RPS6KA2: variants seen among roughly 807,000 people sequenced by gnomAD.
RPS6KA2 encodes ribosomal protein S6 kinase alpha-2.
In RPS6KA2, 42 loss-of-function variants were observed where a neutral mutation model predicts 91.8. That is an observed-to-expected ratio of 0.46 (90% CI 0.36 to 0.59). RPS6KA2 has a LOEUF of 0.59. RPS6KA2 is among the 20% of genes least tolerant of loss of function. The pLI, the probability that RPS6KA2 is intolerant of heterozygous loss-of-function variation, is 0.00. For missense variants in RPS6KA2, 798 were observed against 978.5 expected (o/e 0.82, Z 2.46); for synonymous variants, 414 against 393.6 (o/e 1.05, Z -0.61).
chr6:166,722,497 C>T (rs1311481965), intron 2 of RPS6KA2, among the ~76,000 whole-genome samples: 1 of 152,324 alleles, frequency 6.6e-6, no homozygotes, highest in African/African-American at 2.4e-5. Flanking sequence ...GCCCACGCCA[C>T]GTGGAACCCA....
chr6:166,560,620 C>T (rs2128505354), intron 1 of RPS6KA2, among the ~76,000 whole-genome samples: 1 of 151,988 alleles, frequency 6.6e-6, no homozygotes, highest in East Asian at 1.9e-4. Flanking sequence ...CGGGAAATCA[C>T]AGCAGAAAAA....
At chr6:166,630,606 G>A (rs1445713032), upstream of RPS6KA2, among the ~76,000 whole-genome samples, 1 of 152,182 alleles carries the variant, frequency 6.6e-6, no homozygotes, top group Non-Finnish European at 1.5e-5. Context: ...ATCAGCATTC[G>A]AAGGCTCTGC....
chr6:166,762,879 A>ACT (rs1778214993), intron 2 of RPS6KA2, among the ~76,000 whole-genome samples: 1 of 152,016 alleles, frequency 6.6e-6, no homozygotes, highest in African/African-American at 2.4e-5. Context: ...TACATAGGTG[A>ACT]CTCTCCGTAG....
intron 2 of RPS6KA2, among the ~76,000 whole-genome samples, chr6:166,713,233 C>A (rs1789918370): frequency 6.6e-6 from 1 of 152,202 alleles, no homozygotes; most frequent in African/African-American, 2.4e-5. Flanking sequence ...GACCCACAGC[C>A]ACTTGGATCT....
intron 2 of RPS6KA2, among the ~76,000 whole-genome samples, chr6:166,711,784 AAGAG>A (rs71032874): frequency 4.7e-4 from 8 of 16,886 alleles, no homozygotes; most frequent in Non-Finnish European, 1.1e-3. Context: ...TGAAGAAAGA[AAGAG>A]AGAGAGAGAG....
chr6:166,530,588 G>T (rs1168647601), intron 3 of RPS6KA2, among the ~76,000 whole-genome samples: 3 of 152,226 alleles, frequency 2.0e-5, no homozygotes, highest in African/African-American at 7.2e-5. Context: ...ATCGCCTAAT[G>T]CTGTTTAGGG....
At position 166,718,132 on chromosome 6, in the gene RPS6KA2, A is replaced by T. The variant is rs141487226; in HGVS notation, c.123+140068T>A. On this transcript the variant is annotated intron_variant, in intron 2 of 21. Transcript: ENST00000503859. Reference sequence around the variant, plus strand: ...CAAAGTGCTGGGATTACAGGCGTGAACCACTGTGCCCGGCCCTATTTGTCA... The same window carrying T: ...CAAAGTGCTGGGATTACAGGCGTGATCCACTGTGCCCGGCCCTATTTGTCA... Among the ~76,000 whole-genome samples the T allele has an allele frequency of 3.7e-3, 560 of 152,240 alleles. 4 individuals carry two copies. The highest frequency in any genetic ancestry group is 0.013 in the African/African-American group (537 of 41,546).
chr6:166,685,988 G>A (rs1013765659), intron 2 of RPS6KA2, among the ~76,000 whole-genome samples: 3 of 152,202 alleles, frequency 2.0e-5, no homozygotes, highest in Non-Finnish European at 4.4e-5. Flanking sequence ...TGAGACGAAG[G>A]AGCTGTGAGG....
At chr6:166,502,035 T>G (rs1476098051) in intron 6 of RPS6KA2, among the ~76,000 whole-genome samples, 4 of 152,042 alleles carry the variant, frequency 2.6e-5, no homozygotes, top group Non-Finnish European at 4.4e-5. Flanking sequence ...GTCACAGAGA[T>G]GGAAAGTGGA....
chr6:166,484,001 A>G (rs190905662), intron 10 of RPS6KA2, among the ~76,000 whole-genome samples: 2 of 152,254 alleles, frequency 1.3e-5, no homozygotes, highest in South Asian at 4.1e-4. Flanking sequence ...CAGAAACAGC[A>G]TGACGTCCAT....
intron 2 of RPS6KA2, among the ~76,000 whole-genome samples, chr6:166,703,742 G>A (rs1457854597): frequency 6.6e-6 from 1 of 152,214 alleles, no homozygotes; most frequent in Non-Finnish European, 1.5e-5. Context: ...AGAATGCAAG[G>A]CTGCACTGAC....
chr6:166,417,620 T>TACACACACACACAC (rs10568123), intron 19 of RPS6KA2, among the ~76,000 whole-genome samples: 5 of 148,492 alleles, frequency 3.4e-5, no homozygotes, highest in African/African-American at 1.2e-4. Flanking sequence ...TCTCTCTCTA[T>TACACACACACACAC]ACACACACAC....
chr6:166,669,612 C>T (rs1165063302), intron 2 of RPS6KA2, among the ~76,000 whole-genome samples: 3 of 152,196 alleles, frequency 2.0e-5, no homozygotes, highest in Admixed American at 2.0e-4. Flanking sequence ...ACTTCCAAGT[C>T]TCGCTGCCTT....
Position 166,423,155 on chromosome 6 carries a change from C to T in RPS6KA2, c.1743+101G>A, listed in dbSNP as rs1395832026. The T allele has an allele frequency of 8.6e-6, 11 of 1,279,850 alleles. No homozygotes were observed. Among genetic ancestry groups the T allele is most frequent in the Admixed American group, 6.9e-5 (3 of 43,666 alleles). 79.3% of individuals were successfully genotyped at this position (1,279,850 alleles called of 1,614,324 possible). A position where few individuals can be genotyped will look rare whatever the true frequency, so the allele number is the denominator to read the frequency against. On this transcript the variant is annotated intron_variant, in intron 17 of 20. Transcript: ENST00000265678. The surrounding 1 kb of genome is among the most constrained non-coding windows in gnomAD (Gnocchi z 4.8). ...ACACCACTGCTGACGCAGCTCAAGC[C>T]GCCTCTGACATCCCCGCTGTCCGGT...
At chr6:166,540,724 C>T (rs753922495) in intron 1 of RPS6KA2, among the ~76,000 whole-genome samples, 4 of 152,108 alleles carry the variant, frequency 2.6e-5, no homozygotes, top group Non-Finnish European at 5.9e-5. Context: ...GCTAGCCACC[C>T]GAGACTGTGC....
At chr6:166,759,496 T>G (rs2128602598) in intron 2 of RPS6KA2, among the ~76,000 whole-genome samples, 1 of 152,334 alleles carries the variant, frequency 6.6e-6, no homozygotes, top group South Asian at 2.1e-4. Flanking sequence ...ACGGGGAGAT[T>G]AATAGAAAAT....
chr6:166,487,039 T>TA (rs1191489847), intron 10 of RPS6KA2, among the ~76,000 whole-genome samples: 4 of 152,256 alleles, frequency 2.6e-5, no homozygotes, highest in African/African-American at 9.6e-5. Context: ...GATTGATGCT[T>TA]ACTTCATCTT....
intron 11 of RPS6KA2, among the ~76,000 whole-genome samples, chr6:166,465,686 GCAT>G (rs1400135132): frequency 6.6e-6 from 1 of 152,114 alleles, no homozygotes; most frequent in African/African-American, 2.4e-5. Flanking sequence ...CCTCTTTCAG[GCAT>G]CATTTCTCTC....
At chr6:166,571,655 ATAAAAT>A (rs570223480) in intron 1 of RPS6KA2, among the ~76,000 whole-genome samples, 155 of 147,496 alleles carry the variant, frequency 1.1e-3, no homozygotes, top group African/African-American at 3.6e-3. Flanking sequence ...AATCAAAGAA[ATAAAAT>A]TAGATAGGTG....
Sources: allele counts gnomAD v4.1 joint callset (sites outside exome capture counted in the v4.1 genomes callset), GRCh38; gene constraint gnomAD v4.1.1; non-coding constraint Gnocchi (gnomAD v3.1); transcripts MANE v1.5; gene names NCBI Gene and HGNC (gene_info 2026-07-23, HGNC 2026-07-21).